CLEC18A: variants seen among roughly 807,000 people sequenced by gnomAD.
The protein encoded by CLEC18A is C-type lectin domain family 18 member A.
Under a neutral mutation model 24.0 loss-of-function variants are expected in CLEC18A, and 5 were observed. The ratio of observed to expected loss-of-function variants is 0.21; its 90% confidence interval spans 0.11 to 0.44. The LOEUF is 0.44. Among genes scored for constraint, CLEC18A ranks in the 20% least tolerant of loss-of-function variants. The probability of loss-of-function intolerance (pLI) is 0.99; values close to 1 mark genes in which losing one functional copy is unlikely to be tolerated. For synonymous variants in CLEC18A, 29 were observed against 100.1 expected, an observed-to-expected ratio of 0.29 and a Z score of 4.24; for missense variants, 83 against 233.4, an observed-to-expected ratio of 0.36 and a Z score of 4.20.
rs1253739013 is a variant in CLEC18A, at chr16:69,957,261, C to T, written c.457-1681C>T. ...CACTGCAGCCTCATTTTCCTGGGCTCAGGTGATCTTCTCACCTCAGGTCCG... is the reference window on the plus strand; with the variant it reads ...CACTGCAGCCTCATTTTCCTGGGCTTAGGTGATCTTCTCACCTCAGGTCCG... On this transcript the variant is annotated intron_variant, in intron 3 of 11. Coordinates refer to ENST00000288040, the MANE Select transcript of CLEC18A (RefSeq NM_001370523.4). Among the ~76,000 whole-genome samples the T allele has an allele frequency of 4.7e-5, 7 of 149,186 alleles. No homozygotes were observed. In the East Asian group the frequency reaches 1.2e-3, roughly 25 times the overall value.
upstream of CLEC18A, chr16:69,950,649 G>A (rs1206740391): frequency 2.3e-5 from 2 of 88,254 alleles, no homozygotes; most frequent in African/African-American, 3.3e-5. Context: ...CTGTAGTCAC[G>A]TGGGTGAGGG....
At chr16:69,963,496 A>C (rs1214017751) in intron 11 of CLEC18A, 78 bp from the exon 12 acceptor site, 1 of 1,606,400 alleles carries the variant, frequency 6.2e-7, no homozygotes, top group Non-Finnish European at 8.5e-7. Flanking sequence ...GGGCACTTCC[A>C]GACCGAGTGC....
In CLEC18A at chr16:69,963,059, G is replaced by C. The variant is rs543829702; in HGVS notation, c.1295G>C (p.Cys432Ser). The part of the protein sequence containing the change: ...QRCKTRNRYI[C>S]QFAQEHISRW... ...TGCAAAACCCGAAACCGTTACATCT[G>C]CCAGTTTGGTGAGGGACTTCCTGAG... The change falls in exon 11 of 12, where the codon TGC becomes TCC. Residue 432 changes from cysteine (C) to serine (S), a missense_variant. Coordinates refer to ENST00000288040, the MANE Select transcript of CLEC18A (RefSeq NM_001370523.4). 15 of 1,613,622 alleles carry C rather than the reference G, an allele frequency of 9.3e-6. No homozygotes were observed. In the African/African-American group the frequency reaches 1.7e-4, roughly 19 times the overall value.
chr16:69,955,577 C>G (rs1440446665), intron 3 of CLEC18A, among the ~76,000 whole-genome samples: 14 of 150,974 alleles, frequency 9.3e-5, no homozygotes, highest in South Asian at 4.2e-4. Context: ...GTCTCAAACT[C>G]CTGACCTCAA....
At chr16:69,964,961 C>G (rs1401070973), downstream of CLEC18A, among the ~76,000 whole-genome samples, 2 of 152,152 alleles carry the variant, frequency 1.3e-5, no homozygotes, top group East Asian at 3.9e-4. Context: ...ACCACCACGC[C>G]CCGCTATTTT....
chr16:69,956,714 TGTTGGTG>T (rs2059040735), intron 3 of CLEC18A, among the ~76,000 whole-genome samples: 1 of 101,008 alleles, frequency 9.9e-6, no homozygotes, highest in Admixed American at 1.0e-4. Context: ...TCTGTTTTGT[TGTTGGTG>T]GTTGTTTTTT....
At chr16:69,945,608 G>T in the CLEC18A span, among the ~76,000 whole-genome samples, 2 of 152,240 alleles carry the variant, frequency 1.3e-5, no homozygotes, top group African/African-American at 2.4e-5. Context: ...CCAAATAGCT[G>T]GGATTACAGG....
At chr16:69,955,278 C>G (rs1400467474) in intron 3 of CLEC18A, among the ~76,000 whole-genome samples, 2 of 152,092 alleles carry the variant, frequency 1.3e-5, no homozygotes, top group Non-Finnish European at 2.9e-5. Flanking sequence ...GCTGGGATTA[C>G]AGGCGTGAGC....
upstream of CLEC18A, among the ~76,000 whole-genome samples, chr16:69,946,753 T>C: frequency 7.2e-6 from 1 of 139,132 alleles, no homozygotes; most frequent in Non-Finnish European, 1.5e-5. Context: ...TTATTGCCAA[T>C]GTGTAGAAAT....
chr16:69,953,376 C>A (rs1431164878), intron 2 of CLEC18A: 2 of 151,050 alleles, frequency 1.3e-5, no homozygotes, highest in African/African-American at 4.9e-5. Context: ...CGAGGGGCCC[C>A]CCTCCCTGCA....
chr16:69,952,618 A>G (rs2058969550), intron 2 of CLEC18A: 2 of 150,720 alleles, frequency 1.3e-5, no homozygotes, highest in South Asian at 2.1e-4. Flanking sequence ...TCACTCGTCC[A>G]CATTTTCCAC....
rs2059007226 is a variant in CLEC18A, at chr16:69,954,564, C to CT, written c.448dup (p.Tyr150LeufsTer50). ...GTGCTCGCAACGCCACCTGCACCCA[C>CT]TACACGCAGGTGAGTGTGCTGCAGG... On this transcript the variant is annotated frameshift_variant, in exon 3 of 12. Transcript: ENST00000288040. LOFTEE classifies it high-confidence loss of function. 1 of 1,610,732 alleles carries CT rather than the reference C, an allele frequency of 6.2e-7. No individual in the cohort carries two copies. The highest frequency in any genetic ancestry group is 8.5e-7 in the Non-Finnish European group (1 of 1,178,480).
At chr16:69,955,169 T>G (rs1257217329) in intron 3 of CLEC18A, among the ~76,000 whole-genome samples, 5 of 151,320 alleles carry the variant, frequency 3.3e-5, no homozygotes, top group Non-Finnish European at 7.4e-5. Context: ...CCCAGCTCAT[T>G]TTTTTGTATT....
chr16:69,953,833 G>A (rs938564205), intron 2 of CLEC18A: 131 of 94,650 alleles, frequency 1.4e-3, no homozygotes, highest in Non-Finnish European at 1.4e-3. Flanking sequence ...AAAAAAAAAA[G>A]AAGAGGGAGG....
chr16:69,955,770 C>G (rs1289021452), intron 3 of CLEC18A, among the ~76,000 whole-genome samples: 1 of 103,720 alleles, frequency 9.6e-6, no homozygotes, highest in Non-Finnish European at 1.7e-5. Flanking sequence ...GGAATCTTCC[C>G]AAAGTTCAGG....
chr16:69,950,393 C>A (rs1376250035), upstream of CLEC18A, among the ~76,000 whole-genome samples: 1 of 128,416 alleles, frequency 7.8e-6, no homozygotes, highest in Non-Finnish European at 1.9e-5. Context: ...TAGGTTGCAG[C>A]CCGCAGGAAG....
In CLEC18A at chr16:69,962,847, C is replaced by T. The variant is rs556158772; in HGVS notation, c.1212-129C>T. ...GGGGCTTGGGGACGGGCCTGGCTCCCGGCAGCCCCGTCGGCAGGTGGGGGC... is the reference window on the plus strand; with the variant it reads ...GGGGCTTGGGGACGGGCCTGGCTCCTGGCAGCCCCGTCGGCAGGTGGGGGC... On this transcript the variant is annotated intron_variant, in intron 10 of 11. Transcript: ENST00000288040. 2.7e-5 allele frequency: 30 copies of T among 1,091,594 alleles called. No homozygotes were observed. In the South Asian group the frequency reaches 3.9e-4, roughly 14 times the overall value. The allele number at this position is 1,091,594 out of a possible 1,614,324, so 67.6% of individuals were successfully genotyped here.
At chr16:69,955,997 G>C (rs1438895657) in intron 3 of CLEC18A, among the ~76,000 whole-genome samples, 1 of 152,072 alleles carries the variant, frequency 6.6e-6, no homozygotes, top group Non-Finnish European at 1.5e-5. Context: ...CGTAATCCCA[G>C]CACTTTGGGA....
chr16:69,964,949 G>A (rs1219248490), downstream of CLEC18A, among the ~76,000 whole-genome samples: 1 of 151,998 alleles, frequency 6.6e-6, no homozygotes. Context: ...CCACAGGTCC[G>A]CACCACCACG....
Sources: gnomAD v4.1 joint callset for allele counts (sites outside exome capture counted in the v4.1 genomes callset) on GRCh38, gnomAD v4.1.1 for gene constraint, MANE v1.5 for transcripts, NCBI Gene and HGNC (gene_info 2026-07-23, HGNC 2026-07-21) for gene names.